RAD17: variants seen among roughly 807,000 people sequenced by gnomAD.
The protein encoded by RAD17 is cell cycle checkpoint protein RAD17.
RAD17 carries 31 observed loss-of-function variants against 81.5 expected under a neutral mutation model. That is an observed-to-expected ratio of 0.38 (90% CI 0.29 to 0.51). The LOEUF (loss-of-function observed/expected upper bound fraction) is 0.51, where lower values mean the gene tolerates loss of function less well. Among genes scored for constraint, RAD17 ranks in the 20% least tolerant of loss-of-function variants. The pLI, the probability that RAD17 is intolerant of heterozygous loss-of-function variation, is 0.88. For synonymous variants in RAD17, 261 were observed against 266.2 expected (o/e 0.98, Z 0.19); for missense variants, 681 against 781.2 (o/e 0.87, Z 1.53).
At chr5:69,369,974 T>TA (rs1463239171) in intron 1 of RAD17, 41 bp downstream of exon 1, 1 of 499,624 alleles carries the variant, frequency 2.0e-6, no homozygotes. Context: ...GTATATGTCT[T>TA]AGAGACGTGA....
intron 18 of RAD17, 44 bp from the exon 19 acceptor site, chr5:69,413,987 T>G: frequency 9.4e-6 from 15 of 1,590,332 alleles, no homozygotes; most frequent in Non-Finnish European, 1.3e-5. Flanking sequence ...TTTAAAAATC[T>G]TCTCCTTTGG....
In RAD17 at chr5:69,372,184, G is replaced by C. The variant is rs1212627065; in HGVS notation, c.-25G>C. ...GAAAGGGGCCAAGATTATAGTACCA[G>C]TCACAATCTTTTGATGAGGACGAAA... On this transcript the variant is annotated 5_prime_UTR_variant, in exon 4 of 19. Coordinates refer to ENST00000354868, the MANE Select transcript of RAD17 (RefSeq NM_133338.3). 2 of 1,607,940 alleles carry C rather than the reference G, an allele frequency of 1.2e-6. No individual in the cohort carries two copies. Among genetic ancestry groups the C allele is most frequent in the Non-Finnish European group, 1.7e-6 (2 of 1,175,638 alleles).
At chr5:69,399,921 G>T (rs961226645) in intron 16 of RAD17, 128 bp from the exon 17 acceptor site, 3 of 532,742 alleles carry the variant, frequency 5.6e-6, no homozygotes, top group Non-Finnish European at 9.1e-6. Context: ...AAGTATATTT[G>T]TGATATATAA....
At position 69,410,547 on chromosome 5, in the gene RAD17, G is replaced by A. The variant is rs368303010; in HGVS notation, c.1748G>A (p.Gly583Glu). Residue 583 changes from glycine to glutamate, a missense_variant, in exon 18 of 19, where the codon GGA (glycine) becomes GAA (glutamate). Coordinates refer to ENST00000354868, the MANE Select transcript of RAD17 (RefSeq NM_133338.3). ...IGRLPLKRHF[G>E]RLKMEALTDR... ...AGGCTCCCTCTGAAGCGACACTTTG[G>A]AAGGTAAGCTGATCATCTCAATTTC... 5 of 1,612,736 alleles carry A rather than the reference G, an allele frequency of 3.1e-6. No homozygotes were observed. In the African/African-American group the frequency reaches 4.0e-5, roughly 13 times the overall value.
chr5:69,390,797 AAT>A (rs4066044), intron 12 of RAD17, among the ~76,000 whole-genome samples: 48,754 of 150,490 alleles, frequency 0.32, 9,523 homozygotes, highest in Non-Finnish European at 0.45. Context: ...TCTAATTAAA[AAT>A]ATATATATAT....
chr5:69,392,883 G>A, intron 13 of RAD17: 1 of 475,166 alleles, frequency 2.1e-6, no homozygotes, highest in Non-Finnish European at 3.9e-6. Context: ...GCAACCCAAA[G>A]CTGAAAAAGG....
intron 6 of RAD17, among the ~76,000 whole-genome samples, chr5:69,377,475 A>ATATGTATATATGTG (rs1763448776): frequency 1.5e-4 from 1 of 6,560 alleles, no homozygotes; most frequent in African/African-American, 2.9e-4. Context: ...ATATATATAT[A>ATATGTATATATGTG]CACACACACA....
upstream of RAD17, chr5:69,369,630 G>A (rs749070544): frequency 2.7e-5 from 42 of 1,568,514 alleles, 1 homozygote; most frequent in Middle Eastern, 3.3e-4. Context: ...GCCTGCCCCG[G>A]CGGCCCAGCC....
At chr5:69,389,481 C>G (rs1285258622) in intron 12 of RAD17, among the ~76,000 whole-genome samples, 1 of 152,116 alleles carries the variant, frequency 6.6e-6, no homozygotes, top group African/African-American at 2.4e-5. Context: ...GTTTTCTCAC[C>G]TTTTATGTGA....
intron 18 of RAD17, among the ~76,000 whole-genome samples, chr5:69,412,481 A>G (rs193161746): frequency 7.2e-4 from 109 of 152,190 alleles, no homozygotes; most frequent in African/African-American, 2.2e-3. Context: ...ATAAGTCATC[A>G]TGCACTTCAA....
Position 69,414,440 on chromosome 5 carries a change from A to G in RAD17, c.*148A>G. 1.1e-6 allele frequency: 1 copy of G among 896,706 alleles called. No homozygotes were observed. The highest frequency in any genetic ancestry group is 1.7e-6 in the Non-Finnish European group (1 of 604,744). 55.5% of individuals were successfully genotyped at this position (896,706 alleles called of 1,614,324 possible). On this transcript the variant is annotated 3_prime_UTR_variant, in exon 19 of 19. Transcript: ENST00000354868. ...TGTAGTATTTCATCACAAGAAACCTACTCTTCTGTCATCTTGAAGTAAATA... is the reference window on the plus strand; with the variant it reads ...TGTAGTATTTCATCACAAGAAACCTGCTCTTCTGTCATCTTGAAGTAAATA...
At chr5:69,369,429 C>G (rs1762751514), upstream of RAD17, 1 of 1,607,364 alleles carries the variant, frequency 6.2e-7, no homozygotes. Context: ...CCCAGCCTGC[C>G]CCAGCCCAGT....
In RAD17 at chr5:69,402,003, CAAAAAAAAAA is replaced by C. The variant is rs1173414879; in HGVS notation, c.1693+1849_1693+1858del. On this transcript the variant is annotated intron_variant, in intron 17 of 18. Transcript: ENST00000354868. ...TGGGCAACAGAGCAAGACTCTGTCT[CAAAAAAAAAA>C]AAAAAAAAAAAAAAGATTACACTAG... Among the ~76,000 whole-genome samples, 20 of 44,928 alleles carry C rather than the reference CAAAAAAAAAA, an allele frequency of 4.5e-4. 2 individuals carry two copies. Among genetic ancestry groups the C allele is most frequent in the South Asian group, 1.5e-3 (1 of 658 alleles). The allele number at this position is 44,928 out of a possible 152,430, so 29.5% of individuals were successfully genotyped here.
chr5:69,397,832 T>C (rs931293406), intron 16 of RAD17, among the ~76,000 whole-genome samples: 6 of 151,990 alleles, frequency 3.9e-5, no homozygotes, highest in Non-Finnish European at 7.4e-5. Context: ...TATTTGAAAA[T>C]CATGGCCGGG....
intron 17 of RAD17, among the ~76,000 whole-genome samples, chr5:69,403,035 C>T (rs567553363): frequency 1.3e-5 from 2 of 152,258 alleles, no homozygotes; most frequent in South Asian, 2.1e-4. Context: ...GATGGGATCT[C>T]GCTTTGTTGG....
chr5:69,394,610 G>C (rs879790664), intron 15 of RAD17, among the ~76,000 whole-genome samples: 11 of 147,294 alleles, frequency 7.5e-5, no homozygotes, highest in Admixed American at 1.4e-4. Context: ...TAAAAATTCA[G>C]TTCCTCAGTC....
chr5:69,371,200 GT>G lies in RAD17; in HGVS notation c.-280+40del, dbSNP rs376841818. ...AGTACATAGTATGTGTGGTTTTTTT[GT>G]TTTTTTTTTTCTAATACATCATTGA... On this transcript the variant is annotated intron_variant, in intron 2 of 18. Coordinates refer to ENST00000354868, the MANE Select transcript of RAD17 (RefSeq NM_133338.3). 2,700 of 420,886 alleles carry G rather than the reference GT, an allele frequency of 6.4e-3. 2 individuals are homozygous for G. Among genetic ancestry groups the G allele is most frequent in the South Asian group, 8.0e-3 (378 of 47,244 alleles). The allele number at this position is 420,886 out of a possible 1,614,324, so 26.1% of individuals were successfully genotyped here. A position where few individuals can be genotyped will look rare whatever the true frequency, so the allele number is the denominator to read the frequency against.
At chr5:69,410,965 C>CTGTATATATATA (rs35777347) in intron 18 of RAD17, among the ~76,000 whole-genome samples, 1 of 90,264 alleles carries the variant, frequency 1.1e-5, no homozygotes, top group African/African-American at 4.9e-5. Flanking sequence ...AGATGTCTGT[C>CTGTATATATATA]TATATATATA....
intron 1 of RAD17, chr5:69,370,405 C>G (rs1294823093): frequency 6.6e-6 from 1 of 152,454 alleles, no homozygotes; most frequent in African/African-American, 2.4e-5. Flanking sequence ...CTCTTGTCGC[C>G]CAGGCTGGAG....
Sources: gnomAD v4.1 joint callset for allele counts (sites outside exome capture counted in the v4.1 genomes callset) on GRCh38, gnomAD v4.1.1 for gene constraint, MANE v1.5 for transcripts, NCBI Gene and HGNC (gene_info 2026-07-23, HGNC 2026-07-21) for gene names.